Variants in PKD2L1 observed in about 807,000 individuals in gnomAD.
PKD2L1 encodes the protein polycystin 2 like 1, transient receptor potential cation channel, also known as polycystin-2-like protein 1.
PKD2L1 carries 77 observed loss-of-function variants against 93.0 expected under a neutral mutation model. The ratio of observed to expected loss-of-function variants is 0.83; its 90% CI spans 0.69 to 1.00. The LOEUF (loss-of-function observed/expected upper bound fraction) is 1.00. PKD2L1 is among the 50% of genes least tolerant of loss of function. The pLI, the probability that PKD2L1 is intolerant of heterozygous loss-of-function variation, is 0.00. For synonymous variants in PKD2L1, 390 were observed against 388.0 expected (o/e 1.01, Z -0.06); for missense variants, 977 against 990.9 (o/e 0.99, Z 0.19).
At chr10:100,314,114 T>C (rs1248484160) in intron 2 of PKD2L1, among the ~76,000 whole-genome samples, 1 of 152,184 alleles carries the variant, frequency 6.6e-6, no homozygotes, top group Non-Finnish European at 1.5e-5. Flanking sequence ...TGAACCACCA[T>C]GACTTGCCTG....
At position 100,321,754 on chromosome 10, in the gene PKD2L1, A is replaced by AG. The variant is rs1849248348; in HGVS notation, c.349+7456dup. Among the ~76,000 whole-genome samples the AG allele has an allele frequency of 5.5e-4, 2 of 3,622 alleles. 1 individual carries two copies. Among genetic ancestry groups the AG allele is most frequent in the African/African-American group, 1.9e-3 (2 of 1,068 alleles). 2.4% of individuals were successfully genotyped at this position (3,622 alleles called of 152,430 possible). On this transcript the variant is annotated intron_variant, in intron 2 of 15. Coordinates refer to ENST00000318222, the MANE Select transcript of PKD2L1 (RefSeq NM_016112.3). ...AAGAAAGAAAGAAAGAAAGAAAGAAAGAAGGGAGGGAGGGAGGGAGGGAGG... is the reference window on the plus strand; with the variant it reads ...AAGAAAGAAAGAAAGAAAGAAAGAAAGGAAGGGAGGGAGGGAGGGAGGGAGG...
At chr10:100,309,797 A>G (rs957597403) in intron 2 of PKD2L1, among the ~76,000 whole-genome samples, 1 of 152,176 alleles carries the variant, frequency 6.6e-6, no homozygotes, top group African/African-American at 2.4e-5. Flanking sequence ...TTAGGATGAA[A>G]CTGATTGTGC....
chr10:100,288,586 A>T, intron 15 of PKD2L1, 108 bp from the exon 16 acceptor site: 1 of 732,760 alleles, frequency 1.4e-6, no homozygotes, highest in South Asian at 1.6e-5. Context: ...GATACCGCCT[A>T]CTCTCTTGGT....
rs1564618498 is a variant in PKD2L1, at chr10:100,329,489, C to T, written c.236-165G>A. 9.7e-6 allele frequency: 9 copies of T among 926,928 alleles called. No individual in the cohort carries two copies. The East Asian group carries it at 1.1e-4, about 11-fold the overall frequency. The allele number at this position is 926,928 out of a possible 1,614,324, so 57.4% of individuals were successfully genotyped here. A position where few individuals can be genotyped will look rare whatever the true frequency, so the allele number is the denominator to read the frequency against. ...GCTACTGTACCCACACCCATGCTTG[C>T]TCTTCCCATCAGCTCCCTGAGGTCG... is the stretch of plus-strand genomic sequence containing the variant. On this transcript the variant is annotated intron_variant, in intron 1 of 15. Transcript: ENST00000318222.
At chr10:100,326,847 T>C (rs1312161985) in intron 2 of PKD2L1, among the ~76,000 whole-genome samples, 2 of 152,152 alleles carry the variant, frequency 1.3e-5, no homozygotes, top group Non-Finnish European at 2.9e-5. Context: ...TTGGAGCCCA[T>C]GCCTTCAATC....
In PKD2L1 at chr10:100,330,005, C is replaced by A; in HGVS notation, c.99G>T (p.Gly33=). ...PAYSGPPSPH[G]TLRVCTISST... ...TGGAGATGGTGCAGACTCTCAGCGT[C>A]CCGTGTGGGGAAGGGGGACCACTGT... Residue 33 remains glycine, a synonymous_variant, in exon 1 of 16, where the codon GGG becomes GGT. Coordinates refer to ENST00000318222, the MANE Select transcript of PKD2L1 (RefSeq NM_016112.3). 6.2e-7 allele frequency: 1 copy of A among 1,613,852 alleles called. No individual in the cohort carries two copies. Among genetic ancestry groups the A allele is most frequent in the South Asian group, 1.1e-5 (1 of 91,068 alleles).
chr10:100,320,532 TG>T lies in PKD2L1; in HGVS notation c.349+8678del, dbSNP rs555626671. On this transcript the variant is annotated intron_variant, in intron 2 of 15. Transcript: ENST00000318222. ...GCCCAGATCTTGGAAATGAGGTCGC[TG>T]GTGGTTGATTCCTCACCTAGGGTCT... Among the ~76,000 whole-genome samples the T allele has an allele frequency of 2.0e-5, 3 of 152,354 alleles. No individual in the cohort carries two copies. In the South Asian group the frequency reaches 6.2e-4, roughly 32 times the overall value.
At chr10:100,316,889 C>T (rs764912033) in intron 2 of PKD2L1, among the ~76,000 whole-genome samples, 10 of 152,168 alleles carry the variant, frequency 6.6e-5, no homozygotes, top group Non-Finnish European at 1.0e-4. Flanking sequence ...GAGTTCGAGT[C>T]CAGCCTGGGT....
At chr10:100,326,219 TC>T (rs1250552882) in intron 2 of PKD2L1, among the ~76,000 whole-genome samples, 1 of 152,168 alleles carries the variant, frequency 6.6e-6, no homozygotes, top group African/African-American at 2.4e-5. Context: ...GCTCTCCCTG[TC>T]CCCCTCAGAA....
intron 2 of PKD2L1, among the ~76,000 whole-genome samples, chr10:100,303,182 C>T (rs1015463152): frequency 3.4e-5 from 5 of 146,428 alleles, no homozygotes; most frequent in African/African-American, 1.0e-4. Flanking sequence ...TCCATAATTA[C>T]ATCAAACTGT....
At chr10:100,294,724 G>C in intron 8 of PKD2L1, 69 bp from the exon 9 acceptor site, 1 of 1,598,990 alleles carries the variant, frequency 6.3e-7, no homozygotes, top group Non-Finnish European at 8.6e-7. Context: ...CCTAATCACA[G>C]AGAGACCCCT....
intron 14 of PKD2L1, among the ~76,000 whole-genome samples, 184 bp from the exon 15 acceptor site, chr10:100,289,240 TTAGA>T (rs1288205641): frequency 6.0e-4 from 92 of 152,268 alleles, no homozygotes; most frequent in African/African-American, 2.2e-3. Flanking sequence ...TGGCAGGGGA[TTAGA>T]TAGTGAGTAT....
At chr10:100,314,988 AAGG>A (rs1849048102) in intron 2 of PKD2L1, among the ~76,000 whole-genome samples, 4 of 13,904 alleles carry the variant, frequency 2.9e-4, no homozygotes, top group South Asian at 3.4e-3. Context: ...GGAAGGAAGG[AAGG>A]AAGGAAGGAA....
intron 2 of PKD2L1, among the ~76,000 whole-genome samples, chr10:100,328,606 A>C (rs1402549631): frequency 9.0e-6 from 1 of 110,776 alleles, no homozygotes; most frequent in South Asian, 2.7e-4. Flanking sequence ...TTTTTTTTGG[A>C]GACAGAGAGA....
chr10:100,302,238 C>T (rs937849387), intron 2 of PKD2L1, among the ~76,000 whole-genome samples: 2 of 95,112 alleles, frequency 2.1e-5, no homozygotes, highest in Admixed American at 3.0e-4. Flanking sequence ...TTCATGCATA[C>T]ACACACACAC....
Position 100,288,439 on chromosome 10 carries a change from C to T in PKD2L1, c.2375G>A (p.Arg792Lys), listed in dbSNP as rs1274453980. The T allele has an allele frequency of 6.2e-7, 1 of 1,613,046 alleles. No individual in the cohort carries two copies. The highest frequency in any genetic ancestry group is 8.5e-7 in the Non-Finnish European group (1 of 1,179,044). The change falls in exon 16 of 16, where the codon AGG becomes AAG. Residue 792 changes from arginine (R) to lysine (K), a missense_variant. Coordinates refer to ENST00000318222, the MANE Select transcript of PKD2L1 (RefSeq NM_016112.3). ...TGGAATCTCACCACGGGAGAGTCTC[C>T]TCTCCTCTAAGGCTTCCTCTTCTCT... ...YKREEEALEERRLSRGEIPTL... is the reference protein window; with the variant it reads ...YKREEEALEEKRLSRGEIPTL...
chr10:100,325,345 G>C (rs55825790), intron 2 of PKD2L1, among the ~76,000 whole-genome samples: 1 of 152,162 alleles, frequency 6.6e-6, no homozygotes, highest in African/African-American at 2.4e-5. Flanking sequence ...AGACATCAGC[G>C]GGGTGAGGCC....
At chr10:100,299,933 C>G (rs1315915065) in intron 2 of PKD2L1, among the ~76,000 whole-genome samples, 1 of 152,170 alleles carries the variant, frequency 6.6e-6, no homozygotes. Flanking sequence ...TCCTCTTCTT[C>G]CAACCCACCT....
Position 100,329,203 on chromosome 10 carries a change from C to T in PKD2L1, c.349+8G>A. On this transcript the variant is annotated splice_region_variant and intron_variant, in intron 2 of 15. Transcript: ENST00000318222. The stretch of plus-strand genomic sequence containing the variant: ...AGACAGATGTACACAAACACAGATG[C>T]TACTCACGTAGACAGATGTCCACCA... 1 of 1,613,762 alleles carries T rather than the reference C, an allele frequency of 6.2e-7. No individual in the cohort carries two copies. The highest frequency in any genetic ancestry group is 8.5e-7 in the Non-Finnish European group (1 of 1,179,682).
Sources: allele counts gnomAD v4.1 joint callset (sites outside exome capture counted in the v4.1 genomes callset), GRCh38; gene constraint gnomAD v4.1.1; transcripts MANE v1.5; gene names NCBI Gene and HGNC (gene_info 2026-07-23, HGNC 2026-07-21).